Variants in DLGAP1 observed in about 807,000 individuals in gnomAD.
The protein encoded by DLGAP1 is DLG associated protein 1.
A neutral mutation model predicts 90.8 loss-of-function variants in DLGAP1; 11 were observed. The observed-to-expected ratio is 0.12, with a 90% confidence interval of 0.08 to 0.20. The LOEUF is 0.20. Among genes scored for constraint, DLGAP1 ranks in the 10% least tolerant of loss-of-function variants. DLGAP1 has a pLI of 1.00. For missense variants in DLGAP1, 1,050 were observed against 1,333.8 expected (o/e 0.79, Z 3.31); for synonymous variants, 558 against 540.7 (o/e 1.03, Z -0.44).
chr18:4,273,969 A>G (rs2079346254), intron 1 of DLGAP1, among the ~76,000 whole-genome samples: 1 of 151,056 alleles, frequency 6.6e-6, no homozygotes, highest in Admixed American at 6.6e-5. Flanking sequence ...ACCAGCTTTT[A>G]GTTTCATTGA....
intron 3 of DLGAP1, among the ~76,000 whole-genome samples, chr18:3,962,630 T>G (rs2073226603): frequency 6.6e-6 from 1 of 152,212 alleles, no homozygotes; most frequent in African/African-American, 2.4e-5. Flanking sequence ...GAGGTTTGGC[T>G]CTATCCATCA....
chr18:4,160,803 T>G (rs976318125), intron 1 of DLGAP1, among the ~76,000 whole-genome samples: 7 of 152,166 alleles, frequency 4.6e-5, no homozygotes, highest in African/African-American at 1.7e-4. Context: ...TAAGCCTGTC[T>G]GTAAGGCTTT....
At chr18:3,544,719 T>TTTTATTTA (rs3072938) in intron 9 of DLGAP1, among the ~76,000 whole-genome samples, 69,968 of 142,922 alleles carry the variant, frequency 0.49, 18,037 homozygotes, top group East Asian at 0.61. Context: ...TGTACTTTGC[T>TTTTATTTA]TTTATTTATT....
rs183469964 is a variant in DLGAP1 at position 3,658,016 on chromosome 18, C to A, written c.1591+71119G>T. On this transcript the variant is annotated intron_variant, in intron 7 of 12. Transcript: ENST00000315677. ...GCATCTCAGTTTGCCCTTTTCCCAA[C>A]AAACTTACTATTATTATATCTTTTA... 1.3e-3 allele frequency among the ~76,000 whole-genome samples: 199 copies of A among 152,282 alleles called. 1 individual carries two copies. The highest frequency in any genetic ancestry group is 4.3e-3 in the African/African-American group (179 of 41,552).
chr18:3,908,250 G>C (rs908113354), intron 3 of DLGAP1, among the ~76,000 whole-genome samples: 3 of 152,194 alleles, frequency 2.0e-5, no homozygotes, highest in African/African-American at 7.2e-5. Flanking sequence ...TAATGGGGGA[G>C]AGGGATATAT....
chr18:3,572,090 T>TC (rs555748473), intron 8 of DLGAP1, among the ~76,000 whole-genome samples: 11,066 of 105,110 alleles, frequency 0.11, 311 homozygotes, highest in East Asian at 0.21. Context: ...TTTTTTTTTT[T>TC]CTTTTGAGAC....
chr18:4,340,527 A>G (rs549471862), intron 1 of DLGAP1, among the ~76,000 whole-genome samples: 17 of 152,300 alleles, frequency 1.1e-4, no homozygotes, highest in African/African-American at 4.1e-4. Flanking sequence ...CACATGCATT[A>G]TTTTTATACA....
chr18:3,587,946 T>C (rs997048646), intron 7 of DLGAP1, among the ~76,000 whole-genome samples: 6 of 152,306 alleles, frequency 3.9e-5, no homozygotes, highest in South Asian at 2.1e-4. Context: ...AAAAAAGAAA[T>C]GATGCTGTAT....
At chr18:3,837,298 A>G (rs1238619828) in intron 4 of DLGAP1, among the ~76,000 whole-genome samples, 1 of 152,192 alleles carries the variant, frequency 6.6e-6, no homozygotes, top group Non-Finnish European at 1.5e-5. Flanking sequence ...TATTTTCTAT[A>G]AAAAGGAAGC....
intron 4 of DLGAP1, among the ~76,000 whole-genome samples, chr18:3,858,812 A>T (rs1224347973): frequency 1.3e-5 from 2 of 152,222 alleles, no homozygotes; most frequent in Non-Finnish European, 2.9e-5. Context: ...TAAACATTAG[A>T]GGGCATACCA....
chr18:4,175,907 T>TG (rs2077099192), intron 1 of DLGAP1, among the ~76,000 whole-genome samples: 1 of 152,208 alleles, frequency 6.6e-6, no homozygotes, highest in South Asian at 2.1e-4. Context: ...CTTGGCTGTA[T>TG]GGGGTGTTCT....
chr18:3,677,109 T>G (rs1299550514), intron 7 of DLGAP1, among the ~76,000 whole-genome samples: 1 of 152,190 alleles, frequency 6.6e-6, no homozygotes, highest in Admixed American at 6.5e-5. Context: ...CCTCTGAGAT[T>G]TCAACATTCA....
intron 1 of DLGAP1, among the ~76,000 whole-genome samples, chr18:4,181,566 G>A (rs905402003): frequency 3.3e-5 from 5 of 152,130 alleles, no homozygotes; most frequent in African/African-American, 7.2e-5. Context: ...TAACAAAACC[G>A]AAAGCTCCTG....
chr18:3,920,818 T>C (rs535778319), intron 3 of DLGAP1, among the ~76,000 whole-genome samples: 1 of 152,350 alleles, frequency 6.6e-6, no homozygotes, highest in East Asian at 1.9e-4. Flanking sequence ...TTTCAATAGT[T>C]TCACTAAACA....
At chr18:3,608,688 T>C (rs4065377) in intron 7 of DLGAP1, among the ~76,000 whole-genome samples, 41,024 of 152,040 alleles carry the variant, frequency 0.27, 6,462 homozygotes, top group Non-Finnish European at 0.34. Flanking sequence ...TGTCTGAAAG[T>C]AGGTCATAAG....
intron 7 of DLGAP1, among the ~76,000 whole-genome samples, chr18:3,601,109 CAG>C (rs2057000119): frequency 6.6e-6 from 1 of 150,688 alleles, no homozygotes; most frequent in East Asian, 1.9e-4. Context: ...TTTTTTGAGA[CAG>C]AGTCTCACCC....
intron 3 of DLGAP1, among the ~76,000 whole-genome samples, chr18:3,888,772 T>G (rs887769167): frequency 2.6e-5 from 4 of 152,110 alleles, no homozygotes; most frequent in Admixed American, 2.6e-4. Flanking sequence ...GATTTAGGAG[T>G]GATTTTTATG....
At chr18:4,213,364 AC>A (rs1464828264) in intron 1 of DLGAP1, among the ~76,000 whole-genome samples, 1 of 152,102 alleles carries the variant, frequency 6.6e-6, no homozygotes, top group Admixed American at 6.6e-5. Context: ...TGCCAAGTTG[AC>A]CCCTGAAGTA....
At chr18:4,251,747 C>A (rs547893611) in intron 1 of DLGAP1, among the ~76,000 whole-genome samples, 1 of 152,308 alleles carries the variant, frequency 6.6e-6, no homozygotes, top group African/African-American at 2.4e-5. Flanking sequence ...TATAGTGAGC[C>A]TCAAGAGGGA....
Sources: gnomAD v4.1 joint callset for allele counts (sites outside exome capture counted in the v4.1 genomes callset) on GRCh38, gnomAD v4.1.1 for gene constraint, MANE v1.5 for transcripts, NCBI Gene and HGNC (gene_info 2026-07-23, HGNC 2026-07-21) for gene names.